The following DNAJC7 variants were observed in gnomAD, a reference collection of about 807,000 sequenced individuals.
DNAJC7 encodes DnaJ heat shock protein family (Hsp40) member C7.
A neutral mutation model predicts 67.4 loss-of-function variants in DNAJC7; 18 were observed. The ratio of observed to expected loss-of-function variants is 0.27; its 90% CI spans 0.18 to 0.40. The LOEUF (loss-of-function observed/expected upper bound fraction) is 0.40, where lower values mean the gene tolerates loss of function less well. Among genes scored for constraint, DNAJC7 ranks in the 10% least tolerant of loss-of-function variants. The pLI is 1.00. For missense variants in DNAJC7, 419 were observed against 613.8 expected (o/e 0.68, Z 3.35); for synonymous variants, 220 against 207.8 (o/e 1.06, Z -0.50).
intron 1 of DNAJC7, chr17:42,012,989 T>C (rs932538107): frequency 2.0e-5 from 3 of 152,046 alleles, no homozygotes; most frequent in Admixed American, 6.6e-5. Flanking sequence ...TTTACAGAGA[T>C]GGGGGGCGGG....
chr17:41,995,039 G>T, intron 4 of DNAJC7, 95 bp from the exon 5 acceptor site: 1 of 1,027,532 alleles, frequency 9.7e-7, no homozygotes. Context: ...TTTGAATTCA[G>T]TAAATATACC....
chr17:42,003,974 T>TTTTTTTTTTG (rs2051878108), intron 1 of DNAJC7, among the ~76,000 whole-genome samples: 2 of 149,498 alleles, frequency 1.3e-5, no homozygotes, highest in Non-Finnish European at 1.5e-5. Flanking sequence ...TTTTTTTTTT[T>TTTTTTTTTTG]AGATGGAGTC....
At position 41,987,860 on chromosome 17, in the gene DNAJC7, A is replaced by C; in HGVS notation, c.969T>G (p.Leu323=). 6.2e-7 allele frequency: 1 copy of C among 1,612,138 alleles called. No homozygotes were observed. Among genetic ancestry groups the C allele is most frequent in the Admixed American group, 1.7e-5 (1 of 59,904 alleles). The change falls in exon 9 of 14, where the codon CTT becomes CTG. Residue 323 remains leucine (L), a synonymous_variant. Coordinates refer to ENST00000457167, the MANE Select transcript of DNAJC7 (RefSeq NM_003315.4). ...AGTAGGCTTTTATGTAAGTGTCATCAAGCTTCACTGCATTTGTGCAGTCTT... is the reference window on the plus strand; with the variant it reads ...AGTAGGCTTTTATGTAAGTGTCATCCAGCTTCACTGCATTTGTGCAGTCTT... ...AIEDCTNAVK[L]DDTYIKAYLR...
chr17:42,016,913 T>C, intron 1 of DNAJC7: 1 of 1,071,116 alleles, frequency 9.3e-7, no homozygotes, highest in South Asian at 2.3e-5. Flanking sequence ...GAAAACGGGG[T>C]GAGGAGAGCA....
chr17:41,990,274 A>G lies in DNAJC7; in HGVS notation c.589T>C (p.Ser197Pro), dbSNP rs781991604. ...AGCCTGACTGCATACCTAGCCACAG[A>G]CTGTGCTTCTGGATAACGACCCAGC... is the stretch of plus-strand genomic sequence containing the variant. ...AMLGRYPEAQ[S>P]VASDILRMDS... The change falls in exon 6 of 14, where the codon TCT becomes CCT. Residue 197 changes from serine (S) to proline (P), a missense_variant. This residue lies in a region of DNAJC7 where 179 missense variants were observed against 249.7 expected (regional missense o/e 0.72). Coordinates refer to ENST00000457167, the MANE Select transcript of DNAJC7 (RefSeq NM_003315.4). 25 of 1,608,850 alleles carry G rather than the reference A, an allele frequency of 1.6e-5. No individual in the cohort carries two copies. The highest frequency in any genetic ancestry group is 2.0e-5 in the Non-Finnish European group (23 of 1,177,680).
intron 1 of DNAJC7, among the ~76,000 whole-genome samples, chr17:42,012,828 C>G (rs2052155297): frequency 6.6e-6 from 1 of 152,166 alleles, no homozygotes; most frequent in Admixed American, 6.5e-5. Context: ...CAGGGTTTCA[C>G]TCTGTCACCC....
At chr17:41,987,768 CCT>C (rs1419288953) in intron 9 of DNAJC7, 49 bp downstream of exon 9, 8 of 1,508,318 alleles carry the variant, frequency 5.3e-6, no homozygotes, top group South Asian at 2.4e-5. Context: ...AGGCAATTCC[CCT>C]GAGGCCAGCG....
At position 41,988,902 on chromosome 17, in the gene DNAJC7, G is replaced by A; in HGVS notation, c.754-6C>T. 6.2e-7 allele frequency: 1 copy of A among 1,611,458 alleles called. No individual in the cohort carries two copies. Among genetic ancestry groups the A allele is most frequent in the Admixed American group, 1.7e-5 (1 of 59,332 alleles). On this transcript the variant is annotated splice_region_variant and splice_polypyrimidine_tract_variant and intron_variant, in intron 7 of 13. Transcript: ENST00000457167. ...GCTTTGAGTGCTTTGGCATTCTACAGAAAAAAGCAAGGGGAGGATCGGTTC... is the reference window on the plus strand; with the variant it reads ...GCTTTGAGTGCTTTGGCATTCTACAAAAAAAAGCAAGGGGAGGATCGGTTC...
At chr17:41,979,690 C>G (rs8066921) in intron 12 of DNAJC7, among the ~76,000 whole-genome samples, 17 of 138,426 alleles carry the variant, frequency 1.2e-4, no homozygotes, top group South Asian at 4.6e-4. Context: ...AGGCCGGGCG[C>G]GGTGGCTCAC....
intron 4 of DNAJC7, 173 bp from the exon 5 acceptor site, chr17:41,995,117 T>C: frequency 4.4e-6 from 3 of 677,394 alleles, no homozygotes. Context: ...ATTTTTATGA[T>C]CCAGTTCTAG....
intron 8 of DNAJC7, 57 bp downstream of exon 8, chr17:41,988,675 C>A (rs117138610): frequency 0.023 from 34,852 of 1,521,694 alleles, 468 homozygotes; most frequent in Middle Eastern, 0.027. Context: ...TCCCAAGACC[C>A]TTTGATGTCC....
intron 1 of DNAJC7, among the ~76,000 whole-genome samples, chr17:42,005,750 T>G (rs1267638056): frequency 1.3e-5 from 2 of 151,194 alleles, no homozygotes; most frequent in African/African-American, 4.9e-5. Context: ...TTGTTTTTTC[T>G]TTTTTTTTGA....
intron 13 of DNAJC7, 147 bp downstream of exon 13, chr17:41,977,114 C>T: frequency 1.2e-6 from 1 of 840,560 alleles, no homozygotes; most frequent in East Asian, 2.7e-5. Flanking sequence ...TCATCCTTAG[C>T]AACAGCCGAG....
chr17:42,017,200 G>A, intron 1 of DNAJC7, 140 bp downstream of exon 1: 2 of 1,584,688 alleles, frequency 1.3e-6, no homozygotes, highest in Non-Finnish European at 1.7e-6. Context: ...GGGTCCATCC[G>A]GCCTTGATCT....
At chr17:42,006,899 A>G (rs28655457) in intron 1 of DNAJC7, among the ~76,000 whole-genome samples, 2 of 150,656 alleles carry the variant, frequency 1.3e-5, no homozygotes, top group African/African-American at 2.4e-5. Context: ...GGAGATCAAG[A>G]CCATCCTGGC....
At chr17:41,981,661 G>T in intron 12 of DNAJC7, 194 bp downstream of exon 12, 1 of 681,622 alleles carries the variant, frequency 1.5e-6, no homozygotes, top group Non-Finnish European at 2.4e-6. Context: ...CCTTGCTAGT[G>T]CTCGCCTCCT....
chr17:41,983,472 C>T, intron 10 of DNAJC7, 91 bp downstream of exon 10: 1 of 1,169,722 alleles, frequency 8.5e-7, no homozygotes, highest in Non-Finnish European at 1.2e-6. Context: ...CTAGGTAGAT[C>T]CCTGATCCCT....
In DNAJC7 at chr17:41,994,519, CAAA is replaced by C. The variant is rs68006925; in HGVS notation, c.480+348_480+350del. Among the ~76,000 whole-genome samples, 69 of 37,890 alleles carry C rather than the reference CAAA, an allele frequency of 1.8e-3. No homozygotes were observed. The East Asian group carries it at 0.024, about 13-fold the overall frequency. 24.9% of individuals were successfully genotyped at this position (37,890 alleles called of 152,430 possible). ...TGGGTGACAGAGTGAGACTAGGCCT[CAAA>C]AAAAAAAAAAAAAAAAAAAAAAAGA... On this transcript the variant is annotated intron_variant, in intron 5 of 13. Transcript: ENST00000457167.
chr17:42,012,060 T>C (rs1399389497), intron 1 of DNAJC7, among the ~76,000 whole-genome samples: 1 of 152,234 alleles, frequency 6.6e-6, no homozygotes, highest in Admixed American at 6.5e-5. Flanking sequence ...ACAGAGAAGT[T>C]AAGTTTATCA....
Sources: allele counts gnomAD v4.1 joint callset (sites outside exome capture counted in the v4.1 genomes callset), GRCh38; gene constraint gnomAD v4.1.1; regional missense constraint gnomAD v4.1.1; transcripts MANE v1.5; gene names NCBI Gene and HGNC (gene_info 2026-07-23, HGNC 2026-07-21).